The following CAMK1G variants were observed in gnomAD, a reference collection of about 807,000 sequenced individuals.
The protein encoded by CAMK1G is calcium/calmodulin dependent protein kinase IG.
Under a neutral mutation model 54.8 loss-of-function variants are expected in CAMK1G, and 27 were observed. That is an observed-to-expected ratio of 0.49 (90% CI 0.36 to 0.68). The LOEUF (loss-of-function observed/expected upper bound fraction) is 0.68, where lower values mean the gene tolerates loss of function less well. Among genes scored for constraint, CAMK1G ranks in the 30% least tolerant of loss-of-function variants. The pLI, the probability that CAMK1G is intolerant of heterozygous loss-of-function variation, is 0.00. For missense variants in CAMK1G, 512 were observed against 591.0 expected (o/e 0.87, Z 1.39); for synonymous variants, 238 against 224.9 (o/e 1.06, Z -0.52).
intron 1 of CAMK1G, among the ~76,000 whole-genome samples, chr1:209,593,733 G>A (rs938182979): frequency 3.9e-5 from 6 of 152,126 alleles, no homozygotes; most frequent in African/African-American, 7.2e-5. Flanking sequence ...CATCTGGCCC[G>A]AGCCACCATC....
rs750642157 is a variant in CAMK1G at position 209,612,882 on chromosome 1, G to A, written c.*7G>A. 6.9e-6 allele frequency: 11 copies of A among 1,590,084 alleles called. No homozygotes were observed. The Admixed American group carries it at 1.5e-4, about 22-fold the overall frequency. On this transcript the variant is annotated 3_prime_UTR_variant, in exon 12 of 13. Transcript: ENST00000361322. Reference sequence around the variant, plus strand: ...AGTCTGTCTCATTATGTGATTCCTGGAGCCTGTGCCTATGTCACTGCAATT... The same window carrying A: ...AGTCTGTCTCATTATGTGATTCCTGAAGCCTGTGCCTATGTCACTGCAATT...
At chr1:209,593,154 C>T (rs1218386017) in intron 1 of CAMK1G, among the ~76,000 whole-genome samples, 1 of 152,210 alleles carries the variant, frequency 6.6e-6, no homozygotes, top group African/African-American at 2.4e-5. Context: ...TAGGCAAGGC[C>T]ATTTAACTGG....
At chr1:209,611,649 G>T in intron 10 of CAMK1G, 97 bp downstream of exon 10, 1 of 1,467,496 alleles carries the variant, frequency 6.8e-7, no homozygotes, top group Non-Finnish European at 9.4e-7. Flanking sequence ...GGATGTCCCA[G>T]AAGGCATTGG....
At chr1:209,610,040 G>A in intron 9 of CAMK1G, 111 bp downstream of exon 9, 1 of 865,698 alleles carries the variant, frequency 1.2e-6, no homozygotes, top group Non-Finnish European at 2.0e-6. Flanking sequence ...TCCATTTAAT[G>A]ATGTGACAAG....
chr1:209,599,570 G>T (rs1665476440), intron 2 of CAMK1G, among the ~76,000 whole-genome samples: 1 of 152,164 alleles, frequency 6.6e-6, no homozygotes, highest in South Asian at 2.1e-4. Flanking sequence ...TAGGGATGGG[G>T]TATTCCCTTA....
At chr1:209,603,182 A>G in intron 3 of CAMK1G, 32 bp from the exon 4 acceptor site, 1 of 1,612,564 alleles carries the variant, frequency 6.2e-7, no homozygotes, top group Non-Finnish European at 8.5e-7. Context: ...CCTGAACCAC[A>G]TACCTTTCAT....
chr1:209,606,480 C>T, intron 6 of CAMK1G, 37 bp downstream of exon 6: 1 of 1,606,356 alleles, frequency 6.2e-7, no homozygotes, highest in Non-Finnish European at 8.5e-7. Flanking sequence ...GACCAGTTGG[C>T]TACATTCAAC....
At chr1:209,603,520 C>T (rs1004980795) in intron 4 of CAMK1G, among the ~76,000 whole-genome samples, 3 of 152,154 alleles carry the variant, frequency 2.0e-5, no homozygotes, top group African/African-American at 7.2e-5. Flanking sequence ...CTCCTTTGCA[C>T]CAGGACAACC....
intron 8 of CAMK1G, 145 bp downstream of exon 8, chr1:209,609,237 C>T (rs561323711): frequency 1.1e-6 from 1 of 907,296 alleles, no homozygotes; most frequent in South Asian, 1.7e-5. Flanking sequence ...GTGGAGAAAT[C>T]TTCGTCTGCT....
chr1:209,587,145 A>G (rs1013066812), intron 1 of CAMK1G, among the ~76,000 whole-genome samples: 7 of 151,974 alleles, frequency 4.6e-5, no homozygotes, highest in African/African-American at 1.7e-4. Flanking sequence ...TGAAGCCTTT[A>G]GGTTCCAGAG....
At chr1:209,599,361 T>C (rs1351110267) in intron 2 of CAMK1G, among the ~76,000 whole-genome samples, 1 of 152,188 alleles carries the variant, frequency 6.6e-6, no homozygotes, top group Non-Finnish European at 1.5e-5. Context: ...AGAATAAGAA[T>C]GGTAGAAAGA....
In CAMK1G at chr1:209,587,625, A is replaced by G. The variant is rs146814782; in HGVS notation, c.-30+3853A>G. 2.6e-5 allele frequency among the ~76,000 whole-genome samples: 4 copies of G among 152,144 alleles called. No individual in the cohort carries two copies. The East Asian group carries it at 5.8e-4, about 22-fold the overall frequency. ...CTTCAGGGAACTTTAATCTAGTCCA[A>G]TCTCCTCTGTTCACCAGAGAGGAGG... On this transcript the variant is annotated intron_variant, in intron 1 of 12. Transcript: ENST00000361322.
intron 1 of CAMK1G, among the ~76,000 whole-genome samples, chr1:209,588,636 G>A (rs562168378): frequency 1.3e-5 from 2 of 152,288 alleles, no homozygotes; most frequent in East Asian, 1.9e-4. Context: ...GGCCAGTGTG[G>A]GGTCATGAGG....
chr1:209,586,024 A>G (rs1374754655), intron 1 of CAMK1G, among the ~76,000 whole-genome samples: 1 of 152,228 alleles, frequency 6.6e-6, no homozygotes, highest in Non-Finnish European at 1.5e-5. Context: ...TGTCAAACCC[A>G]TGTCCTTGGA....
In CAMK1G at chr1:209,613,234, A is replaced by G. The variant is rs1432451993; in HGVS notation, c.*232A>G. ...TAGAAGCCTTGTTGAAGCTGTGAGC[A>G]GGAGAAGCGGTGCCCACCAGCTTCC... On this transcript the variant is annotated 3_prime_UTR_variant, in exon 13 of 13. Transcript: ENST00000361322. 1 of 249,834 alleles carries G rather than the reference A, an allele frequency of 4.0e-6. No homozygotes were observed. Among genetic ancestry groups the G allele is most frequent in the African/African-American group, 2.2e-5 (1 of 45,742 alleles). The allele number at this position is 249,834 out of a possible 1,614,324, so 15.5% of individuals were successfully genotyped here. A position where few individuals can be genotyped will look rare whatever the true frequency, so the allele number is the denominator to read the frequency against.
intron 1 of CAMK1G, among the ~76,000 whole-genome samples, chr1:209,593,997 G>A (rs1001825366): frequency 1.3e-5 from 2 of 152,132 alleles, no homozygotes; most frequent in African/African-American, 2.4e-5. Context: ...AGGCTCTGGA[G>A]CACACTATGC....
chr1:209,601,033 T>G (rs1665512086), intron 3 of CAMK1G, among the ~76,000 whole-genome samples: 1 of 152,232 alleles, frequency 6.6e-6, no homozygotes, highest in African/African-American at 2.4e-5. Context: ...GGATCTTAGA[T>G]GCCATGATAA....
In CAMK1G at chr1:209,611,891, G is replaced by A. The variant is rs1665789808; in HGVS notation, c.1015G>A (p.Glu339Lys). The A allele has an allele frequency of 2.5e-6, 4 of 1,614,154 alleles. No individual in the cohort carries two copies. Among genetic ancestry groups the A allele is most frequent in the Non-Finnish European group, 3.4e-6 (4 of 1,180,058 alleles). ...VRPEVENRPP[E>K]TQASETSRPS... is the part of the protein sequence containing the mutation. ...CCCAGAGGTGGAGAACAGGCCGCCT[G>A]AAACTCAAGCCTCAGAAACCTCTAG... Residue 339 changes from glutamate to lysine, a missense_variant, in exon 11 of 13, where the codon GAA becomes AAA. Glu to Lys is a moderately conservative substitution (Grantham distance 56, BLOSUM62 1). This residue lies in a region of CAMK1G where 315 missense variants were observed against 330.5 expected (regional missense o/e 0.95). Coordinates refer to ENST00000361322, the MANE Select transcript of CAMK1G (RefSeq NM_020439.3).
intron 7 of CAMK1G, 95 bp downstream of exon 7, chr1:209,608,028 C>A: frequency 1.1e-6 from 1 of 905,738 alleles, no homozygotes; most frequent in Non-Finnish European, 1.8e-6. Context: ...CTCCTCCAAG[C>A]ACGTGCATGT....
Sources: gnomAD v4.1 joint callset for allele counts (sites outside exome capture counted in the v4.1 genomes callset) on GRCh38, gnomAD v4.1.1 for gene constraint, gnomAD v4.1.1 regional missense constraint, MANE v1.5 for transcripts, NCBI Gene and HGNC (gene_info 2026-07-23, HGNC 2026-07-21) for gene names.